The following GRM5 variants were observed in gnomAD, a reference collection of about 807,000 sequenced individuals.
The protein encoded by GRM5 is metabotropic glutamate receptor 5.
A neutral mutation model predicts 83.1 loss-of-function variants in GRM5; 19 were observed. The observed-to-expected ratio is 0.23, with a 90% CI of 0.16 to 0.34. The LOEUF (loss-of-function observed/expected upper bound fraction) is 0.34. Among genes scored for constraint, GRM5 ranks in the 10% least tolerant of loss-of-function variants. The probability of loss-of-function intolerance (pLI) is 1.00; values close to 1 mark genes in which losing one functional copy is unlikely to be tolerated. For missense variants in GRM5, 1,160 were observed against 1,588.3 expected (o/e 0.73, Z 4.58); for synonymous variants, 675 against 633.6 (o/e 1.07, Z -0.98).
chr11:88,669,595 C>A (rs11020868), intron 3 of GRM5, among the ~76,000 whole-genome samples: 1 of 151,820 alleles, frequency 6.6e-6, no homozygotes, highest in Non-Finnish European at 1.5e-5. Context: ...TTACAAATAA[C>A]AAAGGAATTT....
intron 3 of GRM5, among the ~76,000 whole-genome samples, chr11:88,708,175 A>C (rs1437355021): frequency 6.6e-6 from 1 of 152,102 alleles, no homozygotes; most frequent in East Asian, 1.9e-4. Flanking sequence ...GAAAAGAGTG[A>C]TTAAGCAGAT....
chr11:88,593,982 GA>G (rs1020803365), intron 6 of GRM5, among the ~76,000 whole-genome samples: 3 of 151,786 alleles, frequency 2.0e-5, no homozygotes, highest in African/African-American at 7.3e-5. Context: ...TTTTAGTAGA[GA>G]CGGGGTTTTA....
intron 3 of GRM5, among the ~76,000 whole-genome samples, chr11:88,790,563 T>TA (rs1943154835): frequency 6.6e-6 from 1 of 152,118 alleles, no homozygotes; most frequent in Admixed American, 6.6e-5. Context: ...GGAGAGAAGG[T>TA]ATGATAACTA....
intron 3 of GRM5, among the ~76,000 whole-genome samples, chr11:88,791,613 A>G (rs1943174411): frequency 1.3e-5 from 2 of 152,142 alleles, no homozygotes; most frequent in Admixed American, 6.6e-5. Flanking sequence ...TCTATTATAT[A>G]TTCTAGAATA....
intron 3 of GRM5, among the ~76,000 whole-genome samples, chr11:88,813,177 G>A (rs1233939130): frequency 6.6e-6 from 1 of 152,090 alleles, no homozygotes; most frequent in African/African-American, 2.4e-5. Context: ...ATTCTTACCA[G>A]GTTTGTATCA....
chr11:88,634,350 A>G (rs1939060825), intron 4 of GRM5, among the ~76,000 whole-genome samples: 1 of 152,190 alleles, frequency 6.6e-6, no homozygotes, highest in Admixed American at 6.6e-5. Context: ...CTTTTAATTT[A>G]TTTTTAACTA....
intron 2 of GRM5, among the ~76,000 whole-genome samples, chr11:88,868,642 T>C (rs1308659766): frequency 1.3e-5 from 2 of 151,810 alleles, no homozygotes; most frequent in East Asian, 1.9e-4. Context: ...CTCAGTTAGA[T>C]ACCTGGCAAA....
chr11:88,680,747 C>A (rs963359689), intron 3 of GRM5, among the ~76,000 whole-genome samples: 2 of 152,144 alleles, frequency 1.3e-5, no homozygotes, highest in Non-Finnish European at 2.9e-5. Context: ...ATATTTCACA[C>A]CTTGATTTTT....
At chr11:88,861,459 A>ATTG (rs35102713) in intron 2 of GRM5, among the ~76,000 whole-genome samples, 66,926 of 150,910 alleles carry the variant, frequency 0.44, 15,130 homozygotes, top group East Asian at 0.57. Flanking sequence ...TTAAGTTTTT[A>ATTG]TTGTTGTTGT....
At chr11:88,923,405 G>C in intron 2 of GRM5, among the ~76,000 whole-genome samples, 1 of 152,142 alleles carries the variant, frequency 6.6e-6, no homozygotes, top group Non-Finnish European at 1.5e-5. Context: ...CAACAGCGTG[G>C]ATGGAACTGG....
intron 2 of GRM5, among the ~76,000 whole-genome samples, chr11:88,928,476 A>ATATT (rs1555043158): frequency 0.13 from 3,575 of 27,330 alleles, 140 homozygotes; most frequent in African/African-American, 0.16. Flanking sequence ...ATATATATAT[A>ATATT]TATATATGTA....
chr11:88,901,051 T>A (rs1424483101), intron 2 of GRM5, among the ~76,000 whole-genome samples: 3 of 152,090 alleles, frequency 2.0e-5, no homozygotes, highest in African/African-American at 7.2e-5. Flanking sequence ...AAGACAGAAC[T>A]TTTAGGCCAG....
rs1591026211 is a variant in GRM5, at chr11:88,990,214, T to A, written c.661+56998A>T. Among the ~76,000 whole-genome samples the A allele has an allele frequency of 9.9e-5, 15 of 151,394 alleles. No individual in the cohort carries two copies. In the South Asian group the frequency reaches 3.1e-3, roughly 32 times the overall value. ...GATCCCACAGAAATACAAACTACCA[T>A]CAGAGAATACTACAAACACCTCTAT... is the stretch of plus-strand genomic sequence containing the variant. On this transcript the variant is annotated intron_variant, in intron 2 of 9. Transcript: ENST00000305447.
intron 2 of GRM5, among the ~76,000 whole-genome samples, chr11:88,994,743 A>G (rs1248062852): frequency 2.6e-5 from 4 of 151,710 alleles, no homozygotes; most frequent in Admixed American, 2.6e-4. Flanking sequence ...TTACAAAATC[A>G]TTGTCTCAAG....
chr11:88,937,612 CCAAA>C (rs1395798338), intron 2 of GRM5, among the ~76,000 whole-genome samples: 1 of 151,652 alleles, frequency 6.6e-6, no homozygotes, highest in East Asian at 1.9e-4. Flanking sequence ...CAAAATGTTT[CCAAA>C]CAAATTCTGT....
intron 3 of GRM5, among the ~76,000 whole-genome samples, chr11:88,822,532 T>C (rs902266116): frequency 6.6e-6 from 1 of 152,172 alleles, no homozygotes; most frequent in Non-Finnish European, 1.5e-5. Context: ...ATTAAAAGAA[T>C]AGCATGTGCA....
intron 9 of GRM5, chr11:88,511,642 A>T (rs1941372157): frequency 6.6e-6 from 1 of 152,182 alleles, no homozygotes; most frequent in African/African-American, 2.4e-5. Context: ...CATCCATAGT[A>T]GCAGAGGGGG....
intron 3 of GRM5, among the ~76,000 whole-genome samples, chr11:88,661,260 A>AATT (rs1939898591): frequency 6.6e-6 from 1 of 152,198 alleles, no homozygotes; most frequent in Non-Finnish European, 1.5e-5. Context: ...TAGGTTTTAA[A>AATT]AGGAAAACTT....
intron 2 of GRM5, among the ~76,000 whole-genome samples, chr11:88,879,879 C>T (rs1280132692): frequency 5.9e-5 from 9 of 151,852 alleles, no homozygotes; most frequent in Admixed American, 5.9e-4. Flanking sequence ...TTAAATATTA[C>T]TTAATATTTC....
Sources: gnomAD v4.1 joint callset for allele counts (sites outside exome capture counted in the v4.1 genomes callset) on GRCh38, gnomAD v4.1.1 for gene constraint, MANE v1.5 for transcripts, NCBI Gene and HGNC (gene_info 2026-07-23, HGNC 2026-07-21) for gene names.